GUCY1A2: variants seen among roughly 807,000 people sequenced by gnomAD.
The protein encoded by GUCY1A2 is guanylate cyclase 1 soluble subunit alpha 2, also known as guanylate cyclase soluble subunit alpha-2.
A neutral mutation model predicts 63.5 loss-of-function variants in GUCY1A2; 27 were observed. The observed-to-expected ratio is 0.43, with a 90% confidence interval of 0.31 to 0.59. The LOEUF (loss-of-function observed/expected upper bound fraction) is 0.59. Ranked by LOEUF, GUCY1A2 falls within the 20% of genes least tolerant of loss-of-function variation. The pLI is 0.11. For synonymous variants in GUCY1A2, 364 were observed against 343.5 expected, an observed-to-expected ratio of 1.06 and a Z score of -0.66; for missense variants, 768 against 913.3, an observed-to-expected ratio of 0.84 and a Z score of 2.05.
intron 4 of GUCY1A2, among the ~76,000 whole-genome samples, chr11:106,841,423 C>T (rs1475548852): frequency 1.3e-5 from 2 of 151,820 alleles, no homozygotes; most frequent in African/African-American, 2.4e-5. Context: ...AATTCCCTGT[C>T]CACAGGGAAT....
intron 5 of GUCY1A2, among the ~76,000 whole-genome samples, chr11:106,803,502 T>C (rs992368279): frequency 3.3e-5 from 5 of 152,142 alleles, no homozygotes; most frequent in African/African-American, 9.7e-5. Context: ...ACAATGTTTA[T>C]GTACATAAAA....
intron 6 of GUCY1A2, among the ~76,000 whole-genome samples, chr11:106,759,935 C>CA (rs1033398070): frequency 6.6e-6 from 1 of 151,970 alleles, no homozygotes; most frequent in South Asian, 2.1e-4. Context: ...AACTCTGTCT[C>CA]AAAAAAACGA....
intron 4 of GUCY1A2, among the ~76,000 whole-genome samples, chr11:106,912,328 G>C (rs1262298387): frequency 6.6e-6 from 1 of 151,832 alleles, no homozygotes. Context: ...CAAAATACTT[G>C]TTGAGCCATT....
intron 7 of GUCY1A2, among the ~76,000 whole-genome samples, chr11:106,707,399 G>A (rs2135348098): frequency 6.6e-6 from 1 of 151,704 alleles, no homozygotes; most frequent in Admixed American, 6.6e-5. Context: ...TGAGTTTTTT[G>A]TAACCATGTT....
At chr11:106,928,847 A>C (rs958988254) in intron 4 of GUCY1A2, among the ~76,000 whole-genome samples, 1 of 152,244 alleles carries the variant, frequency 6.6e-6, no homozygotes, top group Non-Finnish European at 1.5e-5. Flanking sequence ...GACCACTGTC[A>C]TATATGCAGT....
intron 6 of GUCY1A2, among the ~76,000 whole-genome samples, chr11:106,725,474 ATATT>A (rs1371802192): frequency 6.6e-6 from 1 of 152,154 alleles, no homozygotes; most frequent in South Asian, 2.1e-4. Flanking sequence ...TCTAACTGTG[ATATT>A]TATTTTCATG....
At chr11:107,007,128 A>C (rs111604287) in intron 1 of GUCY1A2, among the ~76,000 whole-genome samples, 2 of 152,222 alleles carry the variant, frequency 1.3e-5, no homozygotes, top group African/African-American at 4.8e-5. Context: ...ACCATAAAAA[A>C]AAATGCATGA....
Position 107,017,833 on chromosome 11 carries a change from C to T in GUCY1A2, c.223G>A (p.Gly75Arg), listed in dbSNP as rs925199248. Residue 75 changes from glycine to arginine, a missense_variant, in exon 1 of 8, where the codon GGG becomes AGG. By Grantham distance (125) the Gly-to-Arg change is moderately radical (BLOSUM62 -2). This residue lies in a region of GUCY1A2 where 496 missense variants were observed against 486.9 expected (regional missense o/e 1.02). Coordinates refer to ENST00000526355, the MANE Select transcript of GUCY1A2 (RefSeq NM_000855.3). Reference sequence around the variant, plus strand: ...CTCCGGCGCTGCACCCTCCTGGCCCCGGCAGTGGCAGCGGCGGCGGCGGCA... The same window carrying T: ...CTCCGGCGCTGCACCCTCCTGGCCCTGGCAGTGGCAGCGGCGGCGGCGGCA... ...ASAAAAAATA[G>R]ARRVQRRRRV... 5 of 1,291,948 alleles carry T rather than the reference C, an allele frequency of 3.9e-6. No individual in the cohort carries two copies. Among genetic ancestry groups the T allele is most frequent in the African/African-American group, 1.5e-5 (1 of 65,390 alleles). The allele number at this position is 1,291,948 out of a possible 1,614,324, so 80.0% of individuals were successfully genotyped here. A position where few individuals can be genotyped will look rare whatever the true frequency, so the allele number is the denominator to read the frequency against.
chr11:106,891,791 T>C (rs1209805690), intron 4 of GUCY1A2, among the ~76,000 whole-genome samples: 1 of 152,126 alleles, frequency 6.6e-6, no homozygotes, highest in Non-Finnish European at 1.5e-5. Flanking sequence ...AATACCATAC[T>C]GTGTTATTTA....
chr11:106,684,902 C>T lies in GUCY1A2; in HGVS notation c.*2647G>A, dbSNP rs550833716. 18 of 206,308 alleles carry T rather than the reference C, an allele frequency of 8.7e-5. No homozygotes were observed. In the East Asian group the frequency reaches 1.2e-3, roughly 14 times the overall value. 12.8% of individuals were successfully genotyped at this position (206,308 alleles called of 1,614,324 possible). On this transcript the variant is annotated 3_prime_UTR_variant, in exon 8 of 8. Coordinates refer to ENST00000526355, the MANE Select transcript of GUCY1A2 (RefSeq NM_000855.3). ...CACCACATTGTTACAATCACAATTCCTAAGAGAAGAGATGTAGATGGCATT... is the reference window on the plus strand; with the variant it reads ...CACCACATTGTTACAATCACAATTCTTAAGAGAAGAGATGTAGATGGCATT...
chr11:106,930,674 A>G (rs1330399939), intron 4 of GUCY1A2, among the ~76,000 whole-genome samples: 2 of 152,248 alleles, frequency 1.3e-5, no homozygotes, highest in Non-Finnish European at 2.9e-5. Flanking sequence ...CTGGAACTCA[A>G]TTATACCAAA....
intron 4 of GUCY1A2, among the ~76,000 whole-genome samples, chr11:106,864,539 G>C (rs1480395468): frequency 6.6e-6 from 1 of 152,108 alleles, no homozygotes. Context: ...CATTCTGCAT[G>C]ATATGGGCGA....
intron 2 of GUCY1A2, among the ~76,000 whole-genome samples, chr11:106,982,774 G>T (rs1007810252): frequency 6.6e-6 from 1 of 152,182 alleles, no homozygotes; most frequent in African/African-American, 2.4e-5. Context: ...GAAACCAACA[G>T]AAGGTTGAAA....
At chr11:106,893,828 T>C (rs982039861) in intron 4 of GUCY1A2, among the ~76,000 whole-genome samples, 6 of 152,036 alleles carry the variant, frequency 3.9e-5, no homozygotes, top group Non-Finnish European at 5.9e-5. Context: ...GGAGGCTCGG[T>C]GTCGACAAGT....
chr11:106,862,090 T>C (rs1305057223), intron 4 of GUCY1A2, among the ~76,000 whole-genome samples: 4 of 152,172 alleles, frequency 2.6e-5, no homozygotes, highest in East Asian at 3.9e-4. Flanking sequence ...GCTCTAAGAA[T>C]GCAACACATA....
At position 106,915,877 on chromosome 11, in the gene GUCY1A2, A is replaced by G. The variant is rs1234250882; in HGVS notation, c.1206+23583T>C. Among the ~76,000 whole-genome samples, 14 of 145,048 alleles carry G rather than the reference A, an allele frequency of 9.7e-5. 1 individual carries two copies. The highest frequency in any genetic ancestry group is 9.6e-4 in the Admixed American group (14 of 14,534). Reference sequence around the variant, plus strand: ...CCACTTTGGATTTAAGAACAACTGAAAAACAGCCTTCTGGGACCTAACCTG... The same window carrying G: ...CCACTTTGGATTTAAGAACAACTGAGAAACAGCCTTCTGGGACCTAACCTG... On this transcript the variant is annotated intron_variant, in intron 4 of 7. Transcript: ENST00000526355.
chr11:106,862,134 T>C (rs1241113040), intron 4 of GUCY1A2, among the ~76,000 whole-genome samples: 2 of 152,000 alleles, frequency 1.3e-5, no homozygotes, highest in South Asian at 4.1e-4. Flanking sequence ...ACTAATAGGT[T>C]TAGAACACTG....
chr11:106,927,455 G>A (rs1860541910), intron 4 of GUCY1A2, among the ~76,000 whole-genome samples: 1 of 152,020 alleles, frequency 6.6e-6, no homozygotes, highest in African/African-American at 2.4e-5. Context: ...ATAAACTGGG[G>A]GGATAAGAAC....
At chr11:106,983,206 G>T (rs1861360256) in intron 2 of GUCY1A2, among the ~76,000 whole-genome samples, 1 of 152,194 alleles carries the variant, frequency 6.6e-6, no homozygotes, top group Admixed American at 6.5e-5. Context: ...GGTGAGAGAT[G>T]ATGACGATAG....
Sources: gnomAD v4.1 joint callset for allele counts (sites outside exome capture counted in the v4.1 genomes callset) on GRCh38, gnomAD v4.1.1 for gene constraint, gnomAD v4.1.1 regional missense constraint, MANE v1.5 for transcripts, NCBI Gene and HGNC (gene_info 2026-07-23, HGNC 2026-07-21) for gene names.